The following PPFIA2 variants were observed in gnomAD, a reference collection of about 807,000 sequenced individuals.
PPFIA2 encodes liprin-alpha-2.
PPFIA2 carries 46 observed loss-of-function variants against 175.5 expected under a neutral mutation model. The ratio of observed to expected loss-of-function variants is 0.26; its 90% CI spans 0.21 to 0.34. The LOEUF is 0.34. Ranked by LOEUF, PPFIA2 falls within the 10% of genes least tolerant of loss-of-function variation. The pLI is 1.00. For missense variants in PPFIA2, 1,179 were observed against 1,506.1 expected, an observed-to-expected ratio of 0.78 and a Z score of 3.60; for synonymous variants, 568 against 511.4, an observed-to-expected ratio of 1.11 and a Z score of -1.49.
At position 81,299,313 on chromosome 12, in the gene PPFIA2, G is replaced by C. The variant is rs1235759891; in HGVS notation, c.2712C>G (p.Val904=). ...PFAQWDGPTV[V]AWLELWLGMP... ...TTCATTCTCTTACCTCTAGCCATGC[G>C]ACCACAGTTGGCCCATCCCACTGGG... The change falls in exon 23 of 33, where the codon GTC becomes GTG. Residue 904 remains valine, a synonymous_variant. Transcript: ENST00000549396. 11 of 1,594,316 alleles carry C rather than the reference G, an allele frequency of 6.9e-6. No individual in the cohort carries two copies. The highest frequency in any genetic ancestry group is 6.8e-6 in the Non-Finnish European group (8 of 1,169,720).
chr12:81,531,350 A>G (rs1219096686), intron 4 of PPFIA2, among the ~76,000 whole-genome samples: 2 of 151,878 alleles, frequency 1.3e-5, no homozygotes, highest in African/African-American at 2.4e-5. Context: ...AGATAATTAA[A>G]TCACTAGGGT....
chr12:81,261,835 A>G, intron 32 of PPFIA2, 114 bp downstream of exon 32: 2 of 641,670 alleles, frequency 3.1e-6, no homozygotes, highest in Non-Finnish European at 5.2e-6. Context: ...CAAAAGGGTT[A>G]TCTCATTTCT....
chr12:81,616,396 A>T (rs2061427989), intron 4 of PPFIA2, among the ~76,000 whole-genome samples: 1 of 152,156 alleles, frequency 6.6e-6, no homozygotes, highest in African/African-American at 2.4e-5. Flanking sequence ...TTATTAGGCA[A>T]GTCTAACAAG....
At chr12:81,555,332 C>G (rs1473690926) in intron 4 of PPFIA2, among the ~76,000 whole-genome samples, 3 of 151,778 alleles carry the variant, frequency 2.0e-5, no homozygotes, top group Admixed American at 1.3e-4. Context: ...AAGTTTTTGT[C>G]CCAATTTAAG....
intron 14 of PPFIA2, among the ~76,000 whole-genome samples, 153 bp downstream of exon 14, chr12:81,366,955 C>T (rs148433917): frequency 1.4e-4 from 21 of 151,642 alleles, no homozygotes; most frequent in South Asian, 4.2e-4. Context: ...TCTCTATGTA[C>T]GCTTTTCTGC....
At chr12:81,504,767 G>A (rs2060964781) in intron 4 of PPFIA2, among the ~76,000 whole-genome samples, 1 of 152,112 alleles carries the variant, frequency 6.6e-6, no homozygotes, top group African/African-American at 2.4e-5. Context: ...GTGATAGACT[G>A]GATAAAGAAA....
chr12:81,480,456 G>A (rs1349107123), intron 4 of PPFIA2, among the ~76,000 whole-genome samples: 1 of 152,046 alleles, frequency 6.6e-6, no homozygotes, highest in East Asian at 1.9e-4. Context: ...TCCCTTGCTG[G>A]TAAGGAGCTG....
At chr12:81,303,925 G>A (rs182171380) in intron 22 of PPFIA2, among the ~76,000 whole-genome samples, 1 of 152,280 alleles carries the variant, frequency 6.6e-6, no homozygotes, top group Admixed American at 6.5e-5. Flanking sequence ...AAATCCAGAT[G>A]GAAATGCCTG....
At chr12:81,283,517 T>G (rs992976790) in intron 25 of PPFIA2, among the ~76,000 whole-genome samples, 1 of 151,956 alleles carries the variant, frequency 6.6e-6, no homozygotes, top group Admixed American at 6.6e-5. Context: ...AAAAACCAAG[T>G]ACAACAAAAC....
chr12:81,758,148 C>T (rs1330925837), intron 2 of PPFIA2, among the ~76,000 whole-genome samples: 10 of 152,180 alleles, frequency 6.6e-5, no homozygotes, highest in Admixed American at 1.3e-4. Context: ...GCCACACCCC[C>T]CACCACCTTG....
intron 22 of PPFIA2, among the ~76,000 whole-genome samples, chr12:81,310,074 A>G (rs2050387545): frequency 6.6e-6 from 1 of 152,132 alleles, no homozygotes; most frequent in Admixed American, 6.5e-5. Context: ...CACTTAGATT[A>G]GATTGCTCTA....
intron 22 of PPFIA2, among the ~76,000 whole-genome samples, chr12:81,305,899 A>G (rs1015894318): frequency 2.6e-5 from 4 of 152,192 alleles, no homozygotes; most frequent in Non-Finnish European, 5.9e-5. Flanking sequence ...CACAGACCAT[A>G]GGGAACAGTA....
At chr12:81,285,391 T>G (rs1276316094) in intron 24 of PPFIA2, among the ~76,000 whole-genome samples, 1 of 152,152 alleles carries the variant, frequency 6.6e-6, no homozygotes, top group Non-Finnish European at 1.5e-5. Flanking sequence ...CATAATTCAC[T>G]TTGGGTTTTT....
intron 3 of PPFIA2, among the ~76,000 whole-genome samples, chr12:81,742,067 G>T (rs750224720): frequency 6.6e-6 from 1 of 152,162 alleles, no homozygotes; most frequent in Non-Finnish European, 1.5e-5. Flanking sequence ...TCCCTGACCC[G>T]TTGGACAGCA....
chr12:81,367,081 G>A (rs1203277649), intron 14 of PPFIA2, 27 bp downstream of exon 14: 6 of 1,448,014 alleles, frequency 4.1e-6, no homozygotes, highest in Non-Finnish European at 4.6e-6. Context: ...ATAGAAAATG[G>A]GCCCAAAACA....
At chr12:81,322,222 T>C (rs535046652) in intron 22 of PPFIA2, among the ~76,000 whole-genome samples, 2 of 152,186 alleles carry the variant, frequency 1.3e-5, no homozygotes, top group South Asian at 2.1e-4. Flanking sequence ...GGGAAATACG[T>C]TCTTAAATAT....
At chr12:81,642,740 TG>T (rs2065346354) in intron 4 of PPFIA2, among the ~76,000 whole-genome samples, 1 of 98,150 alleles carries the variant, frequency 1.0e-5, no homozygotes, top group Non-Finnish European at 2.3e-5. Context: ...TGTATATGTA[TG>T]TATGTATTAT....
chr12:81,381,579 C>T (rs531017205), intron 9 of PPFIA2, among the ~76,000 whole-genome samples: 12 of 151,946 alleles, frequency 7.9e-5, no homozygotes, highest in Non-Finnish European at 1.5e-4. Flanking sequence ...GAAGTGAGCC[C>T]GGTGATTTGA....
At chr12:81,468,247 G>A (rs757337946) in intron 4 of PPFIA2, among the ~76,000 whole-genome samples, 49 of 152,170 alleles carry the variant, frequency 3.2e-4, no homozygotes, top group Non-Finnish European at 5.3e-4. Flanking sequence ...TTATGGAGGA[G>A]AGGGAAAGAA....
Sources: gnomAD v4.1 joint callset for allele counts (sites outside exome capture counted in the v4.1 genomes callset) on GRCh38, gnomAD v4.1.1 for gene constraint, MANE v1.5 for transcripts, NCBI Gene and HGNC (gene_info 2026-07-23, HGNC 2026-07-21) for gene names.